The following CAAP1 variants were observed in gnomAD, a reference collection of about 807,000 sequenced individuals.
CAAP1 encodes the protein conserved anti-apoptotic protein.
Under a neutral mutation model 34.0 loss-of-function variants are expected in CAAP1, and 20 were observed. The observed-to-expected ratio is 0.59, with a 90% confidence interval of 0.41 to 0.86. The LOEUF is 0.86. CAAP1 is among the 40% of genes least tolerant of loss of function. The pLI is 0.00. For synonymous variants in CAAP1, 213 were observed against 166.7 expected, an observed-to-expected ratio of 1.28 and a Z score of -2.14; for missense variants, 538 against 450.5, an observed-to-expected ratio of 1.19 and a Z score of -1.76.
intron 4 of CAAP1, among the ~76,000 whole-genome samples, chr9:26,864,475 C>T (rs1001957264): frequency 2.6e-5 from 4 of 151,396 alleles, no homozygotes; most frequent in African/African-American, 9.8e-5. Context: ...TTTAATCCTA[C>T]ACCTGCTGAA....
At chr9:26,862,040 T>C (rs1175047553) in intron 4 of CAAP1, among the ~76,000 whole-genome samples, 1 of 152,182 alleles carries the variant, frequency 6.6e-6, no homozygotes, top group Non-Finnish European at 1.5e-5. Flanking sequence ...AAGCCCAAAC[T>C]CAGAGAATAC....
At chr9:26,874,669 A>G (rs931927851) in intron 4 of CAAP1, among the ~76,000 whole-genome samples, 12 of 152,160 alleles carry the variant, frequency 7.9e-5, no homozygotes, top group African/African-American at 2.9e-4. Context: ...CCCCATTAAA[A>G]TTTTTGTCAC....
rs746643059 is a variant in CAAP1 at position 26,892,559 on chromosome 9, T to C, written c.157A>G (p.Ser53Gly). Residue 53 changes from serine to glycine, a missense_variant, in exon 1 of 6, where the codon AGC (serine) becomes GGC (glycine). Around this residue, in one of 3 missense-constraint regions of CAAP1, gnomAD observed 514 missense variants for 408.4 expected, o/e 1.26. Coordinates refer to ENST00000333916, the MANE Select transcript of CAAP1 (RefSeq NM_024828.4). The stretch of plus-strand genomic sequence containing the variant: ...CTAAAATTGGCGTTCCCACAGCAGC[T>C]GACGCTCCCGCAGCCCCCGGCGCTC... ...CGSAGGCGSV[S>G]CCGNANFSGS... The C allele has an allele frequency of 5.0e-6, 8 of 1,587,234 alleles. No homozygotes were observed. The highest frequency in any genetic ancestry group is 6.9e-6 in the Non-Finnish European group (8 of 1,167,390).
chr9:26,843,443 T>C (rs901723857), intron 5 of CAAP1, among the ~76,000 whole-genome samples: 1 of 152,210 alleles, frequency 6.6e-6, no homozygotes, highest in Non-Finnish European at 1.5e-5. Context: ...TTTTAAATAT[T>C]GAATATGTTT....
intron 2 of CAAP1, 49 bp from the exon 3 acceptor site, chr9:26,886,237 A>G (rs750151691): frequency 1.1e-6 from 1 of 902,186 alleles, no homozygotes; most frequent in South Asian, 2.8e-5. Context: ...ACACAGCCCC[A>G]ATGTAAACTG....
chr9:26,853,640 G>A (rs764484350), intron 5 of CAAP1, among the ~76,000 whole-genome samples: 3 of 152,176 alleles, frequency 2.0e-5, no homozygotes, highest in Non-Finnish European at 4.4e-5. Flanking sequence ...ACTGAGCAAT[G>A]ACGAGTGAAA....
chr9:26,889,686 T>C (rs1823850012), intron 1 of CAAP1, among the ~76,000 whole-genome samples: 1 of 151,522 alleles, frequency 6.6e-6, no homozygotes, highest in Non-Finnish European at 1.5e-5. Flanking sequence ...GCTAACACGG[T>C]GAAACCCTGT....
chr9:26,889,508 T>C (rs1281867035), intron 1 of CAAP1, among the ~76,000 whole-genome samples: 1 of 152,076 alleles, frequency 6.6e-6, no homozygotes, highest in African/African-American at 2.4e-5. Context: ...ACATGTGAAA[T>C]GGGTGAATTG....
At position 26,892,503 on chromosome 9, in the gene CAAP1, G is replaced by A; in HGVS notation, c.213C>T (p.Gly71=). 3.2e-6 allele frequency: 5 copies of A among 1,566,148 alleles called. No homozygotes were observed. The East Asian group carries it at 9.5e-5, about 30-fold the overall frequency. The change falls in exon 1 of 6, where the codon GGC becomes GGT. Residue 71 remains glycine (G), a synonymous_variant. Transcript: ENST00000333916. The part of the protein sequence containing the change: ...SGSVTGGGSG[G]SCWGGSSVER... ...CCACGCTGCTCCCGCCCCAACAGCT[G>A]CCGCCGCTCCCACCGCCGGTGACAC...
intron 4 of CAAP1, among the ~76,000 whole-genome samples, chr9:26,863,013 C>T (rs1823040247): frequency 6.6e-6 from 1 of 151,956 alleles, no homozygotes; most frequent in African/African-American, 2.4e-5. Context: ...ATGGATGTTT[C>T]TTGTACTATT....
intron 4 of CAAP1, among the ~76,000 whole-genome samples, chr9:26,882,811 C>T (rs1251508837): frequency 6.6e-6 from 1 of 152,160 alleles, no homozygotes; most frequent in Non-Finnish European, 1.5e-5. Context: ...CTTTCCAAGA[C>T]CATGGAAACC....
At chr9:26,892,058 G>A (rs924756645) in intron 1 of CAAP1, among the ~76,000 whole-genome samples, 1 of 152,098 alleles carries the variant, frequency 6.6e-6, no homozygotes, top group African/African-American at 2.4e-5. Flanking sequence ...CCATATCTAC[G>A]AAAAGGTGAA....
intron 5 of CAAP1, among the ~76,000 whole-genome samples, chr9:26,852,805 A>G (rs1369295310): frequency 3.9e-5 from 6 of 152,206 alleles, no homozygotes; most frequent in African/African-American, 1.4e-4. Context: ...TCTGGAAAAA[A>G]AAAAATTAGT....
In CAAP1 at chr9:26,840,714, C is replaced by CA. The variant is rs1443480301; in HGVS notation, c.*1586dup. 2 of 152,176 alleles carry CA rather than the reference C, an allele frequency of 1.3e-5. No homozygotes were observed. The highest frequency in any genetic ancestry group is 3.9e-4 in the East Asian group (2 of 5,190). The allele number at this position is 152,176 out of a possible 1,614,324, so 9.4% of individuals were successfully genotyped here. On this transcript the variant is annotated 3_prime_UTR_variant, in exon 6 of 6. Transcript: ENST00000333916. ...TGAAGGTGGAGACTTTAATCATCTA[C>CA]AAAGCCCTCAGACCTGTTTTACTTT... is the stretch of plus-strand genomic sequence containing the variant.
At position 26,892,467 on chromosome 9, in the gene CAAP1, C is replaced by G. The variant is rs757376077; in HGVS notation, c.249G>C (p.Glu83Asp). 1 of 1,567,260 alleles carries G rather than the reference C, an allele frequency of 6.4e-7. No individual in the cohort carries two copies. The highest frequency in any genetic ancestry group is 8.6e-7 in the Non-Finnish European group (1 of 1,157,354). The change falls in exon 1 of 6, where the codon GAG becomes GAC. Residue 83 changes from glutamate to aspartate, a missense_variant. Transcript: ENST00000333916. ...CWGGSSVERSERRKRRSTDSS... is the reference protein window; with the variant it reads ...CWGGSSVERSDRRKRRSTDSS... ...AGTCGGTACTCCTCCGCTTCCGGCG[C>G]TCGCTGCGCTCCACGCTGCTCCCGC... is the stretch of plus-strand genomic sequence containing the variant.
intron 5 of CAAP1, among the ~76,000 whole-genome samples, chr9:26,852,504 C>T (rs1169623013): frequency 1.3e-5 from 2 of 151,532 alleles, no homozygotes; most frequent in Admixed American, 1.3e-4. Context: ...GGGAGGTGAA[C>T]AGAAGTAGGT....
intron 4 of CAAP1, among the ~76,000 whole-genome samples, chr9:26,871,801 C>A (rs1398400371): frequency 6.6e-6 from 1 of 151,432 alleles, no homozygotes; most frequent in Non-Finnish European, 1.5e-5. Flanking sequence ...CGGGTGCCAA[C>A]TACTTAGGAG....
At chr9:26,878,291 A>G (rs1250828585) in intron 4 of CAAP1, among the ~76,000 whole-genome samples, 2 of 152,174 alleles carry the variant, frequency 1.3e-5, no homozygotes, top group African/African-American at 4.8e-5. Flanking sequence ...TTCTCTCTAG[A>G]TATCAAGATC....
intron 5 of CAAP1, among the ~76,000 whole-genome samples, chr9:26,845,418 C>A (rs1396237430): frequency 6.6e-6 from 1 of 152,212 alleles, no homozygotes; most frequent in Non-Finnish European, 1.5e-5. Context: ...TTCTGTCACC[C>A]AGGCTGGAAT....
Sources: gnomAD v4.1 joint callset for allele counts (sites outside exome capture counted in the v4.1 genomes callset) on GRCh38, gnomAD v4.1.1 for gene constraint, gnomAD v4.1.1 regional missense constraint, MANE v1.5 for transcripts, NCBI Gene and HGNC (gene_info 2026-07-23, HGNC 2026-07-21) for gene names.